Variants in VRK2 observed in about 807,000 individuals in gnomAD.
VRK2 encodes VRK serine/threonine kinase 2, also known as serine/threonine-protein kinase VRK2.
VRK2 carries 60 observed loss-of-function variants against 57.6 expected under a neutral mutation model. That is an observed-to-expected ratio of 1.04 (90% CI 0.85 to 1.29). The LOEUF (loss-of-function observed/expected upper bound fraction) is 1.29. Ranked by LOEUF, VRK2 falls within the 50% of genes most tolerant of loss-of-function variation. VRK2 has a pLI of 0.00. For synonymous variants in VRK2, 231 were observed against 199.2 expected, an observed-to-expected ratio of 1.16 and a Z score of -1.35; for missense variants, 705 against 588.1, an observed-to-expected ratio of 1.20 and a Z score of -2.06.
chr2:57,985,787 T>C (rs570608223), intron 1 of VRK2, among the ~76,000 whole-genome samples: 5 of 152,022 alleles, frequency 3.3e-5, no homozygotes, highest in Non-Finnish European at 5.9e-5. Context: ...TTATGAACAA[T>C]AGGATTATCA....
intron 2 of VRK2, among the ~76,000 whole-genome samples, chr2:58,066,073 C>T (rs1668566792): frequency 6.6e-6 from 1 of 152,132 alleles, no homozygotes; most frequent in South Asian, 2.1e-4. Context: ...GGACACCTTC[C>T]TTTCCAAATG....
intron 2 of VRK2, among the ~76,000 whole-genome samples, chr2:58,051,295 C>A (rs1675701894): frequency 6.6e-6 from 1 of 152,082 alleles, no homozygotes; most frequent in Non-Finnish European, 1.5e-5. Flanking sequence ...TGAGGAAGGA[C>A]TTTAAAGAAA....
intron 1 of VRK2, among the ~76,000 whole-genome samples, chr2:57,971,972 C>G (rs566937014): frequency 6.6e-6 from 1 of 151,884 alleles, no homozygotes; most frequent in Admixed American, 6.6e-5. Context: ...ATTACTGTAC[C>G]TAATTACATT....
chr2:57,981,808 C>G (rs975332020), intron 1 of VRK2, among the ~76,000 whole-genome samples: 4 of 152,038 alleles, frequency 2.6e-5, no homozygotes, highest in African/African-American at 9.7e-5. Context: ...TACTGTGGTC[C>G]TTGGATTGGG....
intron 1 of VRK2, among the ~76,000 whole-genome samples, chr2:58,008,805 C>T (rs1392832462): frequency 1.3e-5 from 2 of 151,994 alleles, no homozygotes; most frequent in Non-Finnish European, 2.9e-5. Context: ...TAACAAAACA[C>T]CAGAGACTGG....
At chr2:58,130,966 TA>T (rs1679109216) in intron 8 of VRK2, among the ~76,000 whole-genome samples, 1 of 151,076 alleles carries the variant, frequency 6.6e-6, no homozygotes, top group Admixed American at 6.6e-5. Context: ...AAGGTACTTA[TA>T]AATATATATA....
chr2:58,053,575 ACTT>A (rs1390920597), intron 2 of VRK2, among the ~76,000 whole-genome samples: 1 of 152,196 alleles, frequency 6.6e-6, no homozygotes, highest in Non-Finnish European at 1.5e-5. Flanking sequence ...GAATGTTTTT[ACTT>A]CTTCATAAAA....
At chr2:58,141,772 G>A (rs1681375236) in intron 11 of VRK2, among the ~76,000 whole-genome samples, 1 of 151,908 alleles carries the variant, frequency 6.6e-6, no homozygotes, top group African/African-American at 2.4e-5. Flanking sequence ...ACCTGAAAAT[G>A]TTCAAATGCA....
At chr2:57,966,557 G>A (rs1477689978) in intron 1 of VRK2, among the ~76,000 whole-genome samples, 6 of 151,842 alleles carry the variant, frequency 4.0e-5, no homozygotes, top group African/African-American at 1.2e-4. Flanking sequence ...CTTCCATGGC[G>A]ACAACTCACA....
upstream of VRK2, among the ~76,000 whole-genome samples, chr2:58,044,019 G>C (rs1674572145): frequency 6.6e-6 from 1 of 152,106 alleles, no homozygotes; most frequent in Admixed American, 6.5e-5. Context: ...TTTCTGCTAG[G>C]TTTTCTCTAA....
intron 12 of VRK2, among the ~76,000 whole-genome samples, chr2:58,158,214 G>C (rs1205518049): frequency 6.6e-6 from 1 of 152,064 alleles, no homozygotes; most frequent in Admixed American, 6.6e-5. Flanking sequence ...ATGCTTTATA[G>C]GCCTACTGGA....
At chr2:58,137,165 T>TGATA (rs1400037447) in intron 10 of VRK2, among the ~76,000 whole-genome samples, 4 of 4,900 alleles carry the variant, frequency 8.2e-4, no homozygotes, top group Non-Finnish European at 1.6e-3. Flanking sequence ...TTTATATATA[T>TGATA]CATATATCAT....
intron 1 of VRK2, among the ~76,000 whole-genome samples, chr2:57,963,026 C>T (rs780820271): frequency 2.6e-5 from 4 of 152,130 alleles, no homozygotes; most frequent in Non-Finnish European, 5.9e-5. Context: ...AGTCACTTAC[C>T]CCTGCTAAAC....
intron 1 of VRK2, among the ~76,000 whole-genome samples, chr2:57,959,725 C>A (rs935375787): frequency 6.6e-6 from 1 of 152,196 alleles, no homozygotes; most frequent in Non-Finnish European, 1.5e-5. Context: ...TATCCAGAGG[C>A]TCGGCAGGTC....
intron 1 of VRK2, among the ~76,000 whole-genome samples, chr2:57,933,607 C>T (rs1670810917): frequency 6.6e-6 from 1 of 151,420 alleles, no homozygotes; most frequent in Non-Finnish European, 1.5e-5. Context: ...CACCTGCTGT[C>T]TATTTCCTTC....
chr2:58,120,184 C>CTTTTTTTTT lies in VRK2; in HGVS notation c.544-2901_544-2893dup, dbSNP rs397868874. Among the ~76,000 whole-genome samples, 54 of 51,986 alleles carry CTTTTTTTTT rather than the reference C, an allele frequency of 1.0e-3. 9 individuals are homozygous for CTTTTTTTTT. Among genetic ancestry groups the CTTTTTTTTT allele is most frequent in the African/African-American group, 4.5e-3 (43 of 9,644 alleles). 34.1% of individuals were successfully genotyped at this position (51,986 alleles called of 152,430 possible). Reference sequence around the variant, plus strand: ...CTTTTTGTCTATTTTTTTTTCTTTTCTTTTTTTTTTTTTTTTTTTTTTTTG... The same window carrying CTTTTTTTTT: ...CTTTTTGTCTATTTTTTTTTCTTTTCTTTTTTTTTTTTTTTTTTTTTTTTTTTTTTTTTG... On this transcript the variant is annotated intron_variant, in intron 7 of 12. Coordinates refer to ENST00000340157, the MANE Select transcript of VRK2 (RefSeq NM_006296.7).
At chr2:58,058,287 T>TTAA (rs1215022451) in intron 2 of VRK2, 2 of 459,066 alleles carry the variant, frequency 4.4e-6, no homozygotes, top group African/African-American at 4.0e-5. Flanking sequence ...AATTTGCCTT[T>TTAA]TAATAGGGAT....
At chr2:58,114,355 A>G (rs1676086820) in intron 7 of VRK2, among the ~76,000 whole-genome samples, 1 of 152,028 alleles carries the variant, frequency 6.6e-6, no homozygotes, top group Non-Finnish European at 1.5e-5. Context: ...AGTGTAAACA[A>G]GAGCAGGGCA....
chr2:58,039,804 G>C (rs901959585), intron 3 of VRK2, among the ~76,000 whole-genome samples: 1 of 151,986 alleles, frequency 6.6e-6, no homozygotes, highest in African/African-American at 2.4e-5. Context: ...TGTTAACAGA[G>C]AGTATTTTTA....
Sources: gnomAD v4.1 joint callset for allele counts (sites outside exome capture counted in the v4.1 genomes callset) on GRCh38, gnomAD v4.1.1 for gene constraint, MANE v1.5 for transcripts, NCBI Gene and HGNC (gene_info 2026-07-23, HGNC 2026-07-21) for gene names.